The following UGT1A8 variants were observed in gnomAD, a reference collection of about 807,000 sequenced individuals.
The protein encoded by UGT1A8 is UDP glucuronosyltransferase family 1 member A8.
Under a neutral mutation model 45.3 loss-of-function variants are expected in UGT1A8, and 39 were observed. The ratio of observed to expected loss-of-function variants is 0.86; its 90% CI spans 0.67 to 1.12. The LOEUF (loss-of-function observed/expected upper bound fraction) is 1.12. UGT1A8 is among the 50% of genes most tolerant of loss of function. The pLI is 0.00. For synonymous variants in UGT1A8, 275 were observed against 249.2 expected, an observed-to-expected ratio of 1.10 and a Z score of -0.97; for missense variants, 719 against 664.9, an observed-to-expected ratio of 1.08 and a Z score of -0.90.
chr2:233,680,514 T>C (rs934802603), intron 1 of UGT1A8, among the ~76,000 whole-genome samples: 3 of 152,190 alleles, frequency 2.0e-5, no homozygotes, highest in Admixed American at 2.0e-4. Flanking sequence ...ACAAGAATTA[T>C]GCCCTGAGGT....
At chr2:233,680,785 G>C (rs1445386973) in intron 1 of UGT1A8, among the ~76,000 whole-genome samples, 1 of 152,114 alleles carries the variant, frequency 6.6e-6, no homozygotes, top group Admixed American at 6.5e-5. Flanking sequence ...AAGTGATTGG[G>C]GTGGGCCCAT....
intron 1 of UGT1A8, among the ~76,000 whole-genome samples, chr2:233,639,278 C>T (rs2073384991): frequency 6.6e-6 from 1 of 151,970 alleles, no homozygotes. Context: ...TTATAGTTTG[C>T]AGAGGGTTAT....
At chr2:233,661,455 A>G (rs1242688067) in intron 1 of UGT1A8, among the ~76,000 whole-genome samples, 2 of 152,112 alleles carry the variant, frequency 1.3e-5, no homozygotes, top group Non-Finnish European at 2.9e-5. Flanking sequence ...CACAGATGGA[A>G]TCCTAGTTCT....
In UGT1A8 at chr2:233,719,747, A is replaced by G. The variant is rs146266651; in HGVS notation, c.856-47287A>G. 35 of 1,612,826 alleles carry G rather than the reference A, an allele frequency of 2.2e-5. No homozygotes were observed. The East Asian group carries it at 7.4e-4, about 34-fold the overall frequency. ...AGGCAAAACACTTTTTAAAAAATGT[A>G]TTTACTTACAAGTGCTTCCATATCT... On this transcript the variant is annotated intron_variant, in intron 1 of 4. Transcript: ENST00000373450.
At chr2:233,633,718 G>C (rs2073230846) in intron 1 of UGT1A8, among the ~76,000 whole-genome samples, 1 of 151,912 alleles carries the variant, frequency 6.6e-6, no homozygotes, top group South Asian at 2.1e-4. Flanking sequence ...TATTAGTCTG[G>C]CTAGTGGTCT....
chr2:233,725,060 G>A (rs969335161), intron 1 of UGT1A8, among the ~76,000 whole-genome samples: 12 of 147,180 alleles, frequency 8.2e-5, no homozygotes, highest in African/African-American at 2.0e-4. Flanking sequence ...GGCGGCGCGC[G>A]CCTGCAATCG....
intron 1 of UGT1A8, among the ~76,000 whole-genome samples, chr2:233,728,063 G>A (rs1347092156): frequency 6.6e-6 from 1 of 152,218 alleles, no homozygotes; most frequent in African/African-American, 2.4e-5. Flanking sequence ...TGAGGCCCTT[G>A]TGAGTGCTCA....
intron 1 of UGT1A8, among the ~76,000 whole-genome samples, chr2:233,655,776 A>G (rs1297759622): frequency 2.6e-5 from 4 of 152,128 alleles, no homozygotes; most frequent in Non-Finnish European, 5.9e-5. Flanking sequence ...TGCAAGAGCA[A>G]TGCTAAGTGG....
At chr2:233,663,320 G>T (rs992205753) in intron 1 of UGT1A8, among the ~76,000 whole-genome samples, 6 of 152,190 alleles carry the variant, frequency 3.9e-5, no homozygotes, top group Admixed American at 3.3e-4. Flanking sequence ...GCAATTTGGG[G>T]AACAGTTTTT....
At chr2:233,657,660 A>G (rs2073884659) in intron 1 of UGT1A8, among the ~76,000 whole-genome samples, 1 of 152,190 alleles carries the variant, frequency 6.6e-6, no homozygotes, top group African/African-American at 2.4e-5. Flanking sequence ...TATCTAAACT[A>G]TATCATTTGA....
intron 1 of UGT1A8, among the ~76,000 whole-genome samples, chr2:233,710,671 T>C (rs1171384560): frequency 1.3e-5 from 2 of 152,206 alleles, no homozygotes; most frequent in African/African-American, 2.4e-5. Flanking sequence ...TGTCAGATAG[T>C]TGTGTTTCTG....
intron 1 of UGT1A8, among the ~76,000 whole-genome samples, chr2:233,715,085 C>T (rs2076431603): frequency 6.6e-6 from 1 of 152,050 alleles, no homozygotes; most frequent in Non-Finnish European, 1.5e-5. Context: ...GGAGTTTCAT[C>T]ATATTGGCCA....
At chr2:233,760,414 AT>A in intron 1 of UGT1A8, 1 of 1,614,212 alleles carries the variant, frequency 6.2e-7, no homozygotes, top group Non-Finnish European at 8.5e-7. Flanking sequence ...CTGGCTGAGC[AT>A]GCTTGGGGCC....
At chr2:233,655,422 G>A (rs17864679) in intron 1 of UGT1A8, among the ~76,000 whole-genome samples, 3,513 of 152,302 alleles carry the variant, frequency 0.023, 56 homozygotes, top group Middle Eastern at 0.037. Flanking sequence ...TGGAGCACTG[G>A]AAGCTGGCCA....
At chr2:233,768,494 T>A in intron 4 of UGT1A8, 55 bp downstream of exon 4, 1 of 1,575,098 alleles carries the variant, frequency 6.3e-7, no homozygotes, top group Non-Finnish European at 8.6e-7. Context: ...GATAAAATTG[T>A]TTCAAATATG....
At chr2:233,706,756 T>C (rs534591277) in intron 1 of UGT1A8, among the ~76,000 whole-genome samples, 3 of 152,306 alleles carry the variant, frequency 2.0e-5, no homozygotes, top group African/African-American at 4.8e-5. Context: ...CAGAGTGCCG[T>C]ACACTGGTAT....
intron 2 of UGT1A8, 103 bp from the exon 3 acceptor site, chr2:233,767,746 A>G (rs1269401537): frequency 1.3e-6 from 2 of 1,589,042 alleles, no homozygotes; most frequent in Non-Finnish European, 1.7e-6. Flanking sequence ...TCTGTTAAAG[A>G]CTGTTCCTTC....
At chr2:233,694,304 G>GT (rs35761222) in intron 1 of UGT1A8, among the ~76,000 whole-genome samples, 7,473 of 145,330 alleles carry the variant, frequency 0.051, 283 homozygotes, top group African/African-American at 0.1. Flanking sequence ...CCTGTTTTTT[G>GT]TTTTTTTTTT....
chr2:233,693,699 T>A, intron 1 of UGT1A8: 1 of 1,614,240 alleles, frequency 6.2e-7, no homozygotes, highest in Non-Finnish European at 8.5e-7. Flanking sequence ...TATGAAGAAC[T>A]CGCATCAGCT....
Sources: gnomAD v4.1 joint callset for allele counts (sites outside exome capture counted in the v4.1 genomes callset) on GRCh38, gnomAD v4.1.1 for gene constraint, MANE v1.5 for transcripts, NCBI Gene and HGNC (gene_info 2026-07-23, HGNC 2026-07-21) for gene names.